The following TTLL11 variants were observed in gnomAD, a reference collection of about 807,000 sequenced individuals.
The protein encoded by TTLL11 is tubulin tyrosine ligase like 11.
A neutral mutation model predicts 51.7 loss-of-function variants in TTLL11; 42 were observed. The ratio of observed to expected loss-of-function variants is 0.81; its 90% confidence interval spans 0.64 to 1.05. TTLL11 has a LOEUF of 1.05. Among genes scored for constraint, TTLL11 ranks in the 50% least tolerant of loss-of-function variants. The pLI is 0.00. For missense variants in TTLL11, 799 were observed against 940.4 expected (o/e 0.85, Z 1.97); for synonymous variants, 381 against 383.5 (o/e 0.99, Z 0.08).
intron 6 of TTLL11, among the ~76,000 whole-genome samples, chr9:121,963,209 G>A (rs60731892): frequency 0.077 from 11,787 of 152,102 alleles, 696 homozygotes; most frequent in African/African-American, 0.16. Context: ...TGCTATACAC[G>A]GTCAGCACCC....
At chr9:122,026,619 T>A (rs1844351665) in intron 3 of TTLL11, among the ~76,000 whole-genome samples, 1 of 152,078 alleles carries the variant, frequency 6.6e-6, no homozygotes, top group South Asian at 2.1e-4. Flanking sequence ...GTCGATTATA[T>A]CTCAATAAAG....
At chr9:122,077,707 A>G (rs1845896953) in intron 1 of TTLL11, among the ~76,000 whole-genome samples, 1 of 152,126 alleles carries the variant, frequency 6.6e-6, no homozygotes, top group African/African-American at 2.4e-5. Flanking sequence ...AATGCAATTC[A>G]TAAGTTAATC....
At chr9:122,083,662 T>C (rs1196782863) in intron 1 of TTLL11, among the ~76,000 whole-genome samples, 1 of 152,014 alleles carries the variant, frequency 6.6e-6, no homozygotes, top group Non-Finnish European at 1.5e-5. Context: ...ATACAAAAAT[T>C]AGCCAGGTGT....
intron 1 of TTLL11, among the ~76,000 whole-genome samples, chr9:122,065,715 T>TG (rs763403026): frequency 1.1e-4 from 16 of 152,316 alleles, no homozygotes; most frequent in Non-Finnish European, 1.9e-4. Context: ...AAACTGCACA[T>TG]GGGGCTAATG....
At chr9:121,997,181 G>A (rs1361117020) in intron 3 of TTLL11, among the ~76,000 whole-genome samples, 1 of 152,118 alleles carries the variant, frequency 6.6e-6, no homozygotes, top group African/African-American at 2.4e-5. Context: ...CATCATTAGT[G>A]AGCAACAAAA....
At chr9:121,959,819 T>C (rs1588155478) in intron 6 of TTLL11, among the ~76,000 whole-genome samples, 2 of 152,188 alleles carry the variant, frequency 1.3e-5, no homozygotes, top group East Asian at 3.9e-4. Flanking sequence ...ACTCATTAAT[T>C]AGGCCCTGCA....
At chr9:122,070,598 C>A (rs1022601676) in intron 1 of TTLL11, among the ~76,000 whole-genome samples, 3 of 152,148 alleles carry the variant, frequency 2.0e-5, no homozygotes, top group Non-Finnish European at 2.9e-5. Context: ...CAGCAAAGGT[C>A]TTGGGATGGA....
intron 6 of TTLL11, among the ~76,000 whole-genome samples, chr9:121,892,956 G>C (rs1297959902): frequency 1.3e-5 from 2 of 152,088 alleles, no homozygotes; most frequent in Non-Finnish European, 2.9e-5. Flanking sequence ...CCCCCTCACT[G>C]GGAAGGGAGC....
intron 4 of TTLL11, chr9:121,988,891 A>C (rs1250242030): frequency 1.9e-6 from 1 of 527,114 alleles, no homozygotes. Context: ...TGAGTAAACG[A>C]ATGAATGTAA....
At chr9:121,987,262 T>C (rs1324682249) in intron 4 of TTLL11, among the ~76,000 whole-genome samples, 1 of 152,152 alleles carries the variant, frequency 6.6e-6, no homozygotes, top group Non-Finnish European at 1.5e-5. Flanking sequence ...CATTTTGTTG[T>C]TTGGCTTCAT....
chr9:121,961,425 A>G (rs1264386618), intron 6 of TTLL11, among the ~76,000 whole-genome samples: 1 of 150,914 alleles, frequency 6.6e-6, no homozygotes, highest in Non-Finnish European at 1.5e-5. Flanking sequence ...TTATGGATGA[A>G]AAAAAAAAGT....
chr9:121,941,134 C>G (rs1841446298), intron 6 of TTLL11, among the ~76,000 whole-genome samples: 1 of 152,252 alleles, frequency 6.6e-6, no homozygotes, highest in Admixed American at 6.5e-5. Context: ...AGGAAGACCT[C>G]AGGATTGCTA....
chr9:121,999,819 G>A (rs938819652), intron 3 of TTLL11, among the ~76,000 whole-genome samples: 1 of 152,164 alleles, frequency 6.6e-6, no homozygotes, highest in South Asian at 2.1e-4. Flanking sequence ...CACAGGCAAG[G>A]AAACTGAGAT....
At chr9:121,924,623 A>G (rs954175567) in intron 6 of TTLL11, among the ~76,000 whole-genome samples, 1 of 152,076 alleles carries the variant, frequency 6.6e-6, no homozygotes, top group Non-Finnish European at 1.5e-5. Flanking sequence ...AGAAGATGAC[A>G]GGTGGAGAGA....
At chr9:122,028,705 A>G (rs1844427827) in intron 3 of TTLL11, among the ~76,000 whole-genome samples, 5 of 152,240 alleles carry the variant, frequency 3.3e-5, no homozygotes, top group African/African-American at 1.2e-4. Context: ...TGCTACATCA[A>G]CAACTCCAGA....
At chr9:121,936,937 T>C (rs566142408) in intron 6 of TTLL11, among the ~76,000 whole-genome samples, 1 of 152,364 alleles carries the variant, frequency 6.6e-6, no homozygotes, top group Non-Finnish European at 1.5e-5. Context: ...TGAGACATGC[T>C]AGGCTGTTTC....
intron 6 of TTLL11, among the ~76,000 whole-genome samples, chr9:121,883,966 T>A (rs1196391621): frequency 6.6e-6 from 1 of 152,200 alleles, no homozygotes; most frequent in African/African-American, 2.4e-5. Context: ...GAGCATCAGT[T>A]TCCTCATTTG....
At chr9:121,860,174 A>C (rs1300279153) in intron 8 of TTLL11, among the ~76,000 whole-genome samples, 163 bp downstream of exon 8, 2 of 152,232 alleles carry the variant, frequency 1.3e-5, no homozygotes, top group Non-Finnish European at 2.9e-5. Context: ...GGTAGCAGAC[A>C]GTGCTCCAGC....
intron 6 of TTLL11, among the ~76,000 whole-genome samples, chr9:121,899,341 C>CTGTG (rs541507208): frequency 2.2e-4 from 30 of 136,848 alleles, no homozygotes; most frequent in African/African-American, 7.3e-4. Flanking sequence ...TTAATTCACT[C>CTGTG]TGTGTGTGTG....
Sources: allele counts gnomAD v4.1 joint callset (sites outside exome capture counted in the v4.1 genomes callset), GRCh38; gene constraint gnomAD v4.1.1; transcripts MANE v1.5; gene names NCBI Gene and HGNC (gene_info 2026-07-23, HGNC 2026-07-21).